Variants in POU6F2 observed in about 807,000 individuals in gnomAD.
The protein encoded by POU6F2 is POU class 6 homeobox 2.
POU6F2 carries 31 observed loss-of-function variants against 71.3 expected under a neutral mutation model. The observed-to-expected ratio is 0.43, with a 90% confidence interval of 0.33 to 0.59. POU6F2 has a LOEUF of 0.59. Among genes scored for constraint, POU6F2 ranks in the 20% least tolerant of loss-of-function variants. The probability of loss-of-function intolerance (pLI) is 0.04; values close to 1 mark genes in which losing one functional copy is unlikely to be tolerated. For missense variants in POU6F2, 783 were observed against 856.8 expected (o/e 0.91, Z 1.07); for synonymous variants, 347 against 355.7 (o/e 0.98, Z 0.27).
chr7:39,085,184 G>A (rs1791211886), intron 1 of POU6F2: 1 of 152,124 alleles, frequency 6.6e-6, no homozygotes, highest in Non-Finnish European at 1.5e-5. Flanking sequence ...CGTGTATTGT[G>A]TTGTGTATTA....
At chr7:39,422,482 A>G (rs1787873209) in intron 6 of POU6F2, among the ~76,000 whole-genome samples, 1 of 152,210 alleles carries the variant, frequency 6.6e-6, no homozygotes, top group South Asian at 2.1e-4. Context: ...ACTCACTTTT[A>G]TTCAAATTAG....
chr7:39,346,505 G>A (rs558588326), intron 5 of POU6F2, among the ~76,000 whole-genome samples: 1 of 152,212 alleles, frequency 6.6e-6, no homozygotes, highest in Non-Finnish European at 1.5e-5. Context: ...TAGAGCAATG[G>A]TCTGTCTGCA....
chr7:39,178,459 A>G (rs1025758174), intron 2 of POU6F2, among the ~76,000 whole-genome samples: 1 of 152,214 alleles, frequency 6.6e-6, no homozygotes, highest in African/African-American at 2.4e-5. Flanking sequence ...TTTTATAAGT[A>G]TAATACAAAT....
rs1789338727 is a variant in POU6F2 at position 39,012,832 on chromosome 7, TGCTCAGG to T, written c.105+34776_105+34782del. 2.6e-5 allele frequency among the ~76,000 whole-genome samples: 4 copies of T among 152,070 alleles called. No individual in the cohort carries two copies. The South Asian group carries it at 8.3e-4, about 32-fold the overall frequency. On this transcript the variant is annotated intron_variant, in intron 1 of 9. Transcript: ENST00000518318. ...GCTGGGGGGTGCCTCCCAGTTAGGC[TGCTCAGG>T]GGTCAGGGGTCAGGGACCCACTTGA...
chr7:39,256,161 A>G (rs989104856), intron 4 of POU6F2, among the ~76,000 whole-genome samples: 15 of 148,588 alleles, frequency 1.0e-4, no homozygotes, highest in Admixed American at 3.4e-4. Flanking sequence ...GAACCCTGCC[A>G]TTTTGCTCTT....
chr7:39,127,901 G>A (rs972859938), intron 2 of POU6F2, among the ~76,000 whole-genome samples: 1 of 141,726 alleles, frequency 7.1e-6, no homozygotes, highest in Non-Finnish European at 1.5e-5. Flanking sequence ...GGAGTGCAGT[G>A]GTGCAATCTC....
intron 2 of POU6F2, among the ~76,000 whole-genome samples, chr7:39,123,074 A>G (rs189070052): frequency 6.6e-6 from 1 of 152,318 alleles, no homozygotes; most frequent in East Asian, 1.9e-4. Context: ...CAGTTTCCTC[A>G]TATATAAATA....
At position 39,166,085 on chromosome 7, in the gene POU6F2, C is replaced by T. The variant is rs1199058716; in HGVS notation, c.278-38150C>T. 2.6e-5 allele frequency among the ~76,000 whole-genome samples: 4 copies of T among 152,244 alleles called. No individual in the cohort carries two copies. In the East Asian group the frequency reaches 7.7e-4, roughly 29 times the overall value. On this transcript the variant is annotated intron_variant, in intron 2 of 9. Coordinates refer to ENST00000518318, the MANE Select transcript of POU6F2 (RefSeq NM_001370959.1). ...GTTCATGTTCATCTTATCCACCAGACTGTATCCTATGTCTTGACATTTTCT... is the reference window on the plus strand; with the variant it reads ...GTTCATGTTCATCTTATCCACCAGATTGTATCCTATGTCTTGACATTTTCT...
intron 4 of POU6F2, among the ~76,000 whole-genome samples, chr7:39,237,735 C>T (rs73379002): frequency 0.028 from 4,310 of 152,174 alleles, 135 homozygotes; most frequent in African/African-American, 0.078. Flanking sequence ...CAGCTAGACC[C>T]GGCCTTGCAG....
chr7:38,985,430 T>C (rs971328009), intron 1 of POU6F2, among the ~76,000 whole-genome samples: 3 of 151,292 alleles, frequency 2.0e-5, no homozygotes, highest in African/African-American at 7.3e-5. Flanking sequence ...TTTTATCCAT[T>C]AAAAAAAAAT....
In POU6F2 at chr7:39,436,150, T is replaced by C. The variant is rs763006961; in HGVS notation, c.1320+2867T>C. On this transcript the variant is annotated intron_variant, in intron 7 of 9. Coordinates refer to ENST00000518318, the MANE Select transcript of POU6F2 (RefSeq NM_001370959.1). The stretch of plus-strand genomic sequence containing the variant: ...TGAAATTTAAAATAGTTTTTTCTAA[T>C]TCTGTGAAGAATGTCAGTGGTAGTT... Among the ~76,000 whole-genome samples, 50 of 152,346 alleles carry C rather than the reference T, an allele frequency of 3.3e-4. 1 individual carries two copies. In the Middle Eastern group the frequency reaches 0.014, roughly 41 times the overall value.
chr7:39,374,311 T>C (rs1786669186), intron 5 of POU6F2, among the ~76,000 whole-genome samples: 1 of 152,200 alleles, frequency 6.6e-6, no homozygotes, highest in Non-Finnish European at 1.5e-5. Flanking sequence ...GCAATCTGTG[T>C]ACCTAACCAC....
intron 1 of POU6F2, among the ~76,000 whole-genome samples, chr7:39,080,418 C>G (rs1791093060): frequency 6.6e-6 from 1 of 152,122 alleles, no homozygotes; most frequent in Admixed American, 6.5e-5. Flanking sequence ...AAACTAAACA[C>G]AAAATATGAC....
At position 39,433,065 on chromosome 7, in the gene POU6F2, C is replaced by G. The variant is rs1788146584; in HGVS notation, c.1114-12C>G. The G allele has an allele frequency of 6.2e-7, 1 of 1,612,134 alleles. No individual in the cohort carries two copies. The highest frequency in any genetic ancestry group is 1.1e-5 in the South Asian group (1 of 91,000). On this transcript the variant is annotated splice_polypyrimidine_tract_variant and intron_variant, in intron 6 of 9. Transcript: ENST00000518318. ...ACCGAGCCAGCTCCTCACCTTTGGC[C>G]CTCTCTTGCAGATTATCGGGACCAT...
chr7:39,451,736 T>C (rs1788667957), intron 8 of POU6F2, 35 bp downstream of exon 8: 1 of 1,533,622 alleles, frequency 6.5e-7, no homozygotes, highest in Non-Finnish European at 8.9e-7. Flanking sequence ...TAAATCGTGG[T>C]GGCCTTCTTG....
chr7:39,057,262 G>A (rs1445302554), intron 1 of POU6F2, among the ~76,000 whole-genome samples: 1 of 151,992 alleles, frequency 6.6e-6, no homozygotes, highest in Non-Finnish European at 1.5e-5. Flanking sequence ...AACTGGGAAA[G>A]GCCATTTTTA....
intron 4 of POU6F2, among the ~76,000 whole-genome samples, chr7:39,337,463 T>C (rs1785804026): frequency 6.6e-6 from 1 of 152,206 alleles, no homozygotes; most frequent in Admixed American, 6.5e-5. Flanking sequence ...CCTTCCCTGC[T>C]TAGGGTCAGA....
intron 4 of POU6F2, among the ~76,000 whole-genome samples, chr7:39,257,013 A>G (rs369469628): frequency 2.6e-5 from 4 of 152,214 alleles, no homozygotes; most frequent in African/African-American, 9.6e-5. Flanking sequence ...TCTATTATTA[A>G]CTACATAGCA....
intron 6 of POU6F2, among the ~76,000 whole-genome samples, chr7:39,422,462 G>A (rs963322141): frequency 5.3e-5 from 8 of 152,118 alleles, no homozygotes; most frequent in Admixed American, 3.3e-4. Context: ...AACTGTGGGT[G>A]GAAATGTCCA....
Sources: allele counts gnomAD v4.1 joint callset (sites outside exome capture counted in the v4.1 genomes callset), GRCh38; gene constraint gnomAD v4.1.1; transcripts MANE v1.5; gene names NCBI Gene and HGNC (gene_info 2026-07-23, HGNC 2026-07-21).